Variants in CNTROB observed in about 807,000 individuals in gnomAD.
CNTROB encodes centrobin, centriole duplication and spindle assembly protein.
In CNTROB, 82 loss-of-function variants were observed where a neutral mutation model predicts 115.7. That is an observed-to-expected ratio of 0.71 (90% CI 0.59 to 0.85). The LOEUF (loss-of-function observed/expected upper bound fraction) is 0.85, where lower values mean the gene tolerates loss of function less well. Among genes scored for constraint, CNTROB ranks in the 40% least tolerant of loss-of-function variants. The probability of loss-of-function intolerance (pLI) is 0.00; values close to 1 mark genes in which losing one functional copy is unlikely to be tolerated. For missense variants in CNTROB, 1,014 were observed against 1,144.4 expected (o/e 0.89, Z 1.64); for synonymous variants, 439 against 456.4 (o/e 0.96, Z 0.49).
At chr17:7,945,313 T>TG (rs1974391612) in intron 12 of CNTROB, 1 of 152,360 alleles carries the variant, frequency 6.6e-6, no homozygotes, top group South Asian at 2.1e-4. Context: ...AAGACTAGCC[T>TG]AGGCAACATA....
chr17:7,949,493 G>T lies in CNTROB; in HGVS notation c.2695G>T (p.Gly899Trp), dbSNP rs555275116. 8 of 1,613,400 alleles carry T rather than the reference G, an allele frequency of 5.0e-6. No homozygotes were observed. In the African/African-American group the frequency reaches 5.3e-5, roughly 11 times the overall value. ...HPAPSSMRSR[G>W]GVWR ...TGCCCCGAGTAGCATGAGGAGCCGG[G>T]GGGGAGTCTGGAGATGAGCCCCCCT... is the stretch of plus-strand genomic sequence containing the variant. Residue 899 changes from glycine to tryptophan, a missense_variant, in exon 19 of 19, where the codon GGG (glycine) becomes TGG (tryptophan). Coordinates refer to ENST00000563694, the MANE Select transcript of CNTROB (RefSeq NM_053051.5).
rs1308921476 is a variant in CNTROB, at chr17:7,948,661, A to G, written c.2513+42A>G. Reference sequence around the variant, plus strand: ...AAGGAGGAAGGATTCTCCGGGTGGAAGCTGGATTATGGGGAGTGGAGTGGG... The same window carrying G: ...AAGGAGGAAGGATTCTCCGGGTGGAGGCTGGATTATGGGGAGTGGAGTGGG... On this transcript the variant is annotated intron_variant, in intron 17 of 18. Coordinates refer to ENST00000563694, the MANE Select transcript of CNTROB (RefSeq NM_053051.5). The surrounding 1 kb of genome is among the most constrained non-coding windows in gnomAD (Gnocchi z 4.4). The G allele has an allele frequency of 3.1e-6, 5 of 1,614,086 alleles. No homozygotes were observed. In the South Asian group the frequency reaches 5.5e-5, roughly 18 times the overall value.
chr17:7,933,169 G>A lies in CNTROB; in HGVS notation c.90G>A (p.Val30=). 1 of 1,614,080 alleles carries A rather than the reference G, an allele frequency of 6.2e-7. No individual in the cohort carries two copies. Among genetic ancestry groups the A allele is most frequent in the Non-Finnish European group, 8.5e-7 (1 of 1,180,036 alleles). The change falls in exon 1 of 19, where the codon GTG becomes GTA. Residue 30 remains valine (V), a synonymous_variant. Coordinates refer to ENST00000563694, the MANE Select transcript of CNTROB (RefSeq NM_053051.5). The stretch of plus-strand genomic sequence containing the variant: ...CAGAACCCCCTGGGCTCAACCAAGT[G>A]TCGTCTGAAGTGACCTCCCAGCTCT... ...DSSEPPGLNQ[V]SSEVTSQLYA...
In CNTROB at chr17:7,936,436, T is replaced by A; in HGVS notation, c.665T>A (p.Val222Glu). 6.4e-7 allele frequency: 1 copy of A among 1,572,380 alleles called. No individual in the cohort carries two copies. The highest frequency in any genetic ancestry group is 8.8e-7 in the Non-Finnish European group (1 of 1,141,990). ...CTACAGCAACAATTAGCCGTGGCTG[T>A]GGCTGCCGACCGCAAGAAAGATACC... ...LELQQQLAVA[V>E]AADRKKDTMI... The change falls in exon 5 of 19, where the codon GTG becomes GAG. Residue 222 changes from valine to glutamate, a missense_variant. Coordinates refer to ENST00000563694, the MANE Select transcript of CNTROB (RefSeq NM_053051.5).
chr17:7,949,047 G>A (rs372812573), intron 17 of CNTROB, 38 bp from the exon 18 acceptor site: 87 of 1,612,146 alleles, frequency 5.4e-5, no homozygotes, highest in Admixed American at 2.0e-4. Flanking sequence ...CCGGGGGGAC[G>A]GAGATCCCCA....
chr17:7,936,155 C>T (rs1973140707), intron 4 of CNTROB: 10 of 531,236 alleles, frequency 1.9e-5, no homozygotes, highest in Non-Finnish European at 3.4e-5. Context: ...AAGCACTTAT[C>T]TCCTGAAAAG....
In CNTROB at chr17:7,943,267, A is replaced by G; in HGVS notation, c.1312-124A>G. The G allele has an allele frequency of 3.1e-6, 2 of 640,986 alleles. No individual in the cohort carries two copies. The allele number at this position is 640,986 out of a possible 1,614,324, so 39.7% of individuals were successfully genotyped here. A position where few individuals can be genotyped will look rare whatever the true frequency, so the allele number is the denominator to read the frequency against. On this transcript the variant is annotated intron_variant, in intron 9 of 18. Coordinates refer to ENST00000563694, the MANE Select transcript of CNTROB (RefSeq NM_053051.5). This position sits in a 1 kb window ranked among gnomAD's most constrained non-coding sequence, Gnocchi z 4.7. ...GGGAACCTCTTTCACTCCTTGAGGC[A>G]AAATTCTTGTTCTTCATCTCATATG...
Position 7,943,559 on chromosome 17 carries a change from C to T in CNTROB, c.1445+35C>T, listed in dbSNP as rs1440780612. ...ACTCACTGGGTGTCACTTCTCTCAG[C>T]CACAGCACGTATCGTTAGTGCCAGG... On this transcript the variant is annotated intron_variant, in intron 10 of 18. Transcript: ENST00000563694. This position sits in a 1 kb window ranked among gnomAD's most constrained non-coding sequence, Gnocchi z 4.7. 1 of 1,594,816 alleles carries T rather than the reference C, an allele frequency of 6.3e-7. No individual in the cohort carries two copies. Among genetic ancestry groups the T allele is most frequent in the Admixed American group, 1.7e-5 (1 of 59,188 alleles).
intron 13 of CNTROB, among the ~76,000 whole-genome samples, chr17:7,947,262 G>A (rs1974659892): frequency 6.6e-6 from 1 of 152,118 alleles, no homozygotes; most frequent in African/African-American, 2.4e-5. Context: ...GAAGAGGTCA[G>A]AACATGTGTG....
chr17:7,935,053 C>A lies in CNTROB; in HGVS notation c.502C>A (p.Arg168Ser), dbSNP rs144838552. Reference sequence around the variant, plus strand: ...CCAAGCCCTGGAGGAGCTGTTTCCCCGCTACACCAGCCTTCGGCCAGGGCC... The same window carrying A: ...CCAAGCCCTGGAGGAGCTGTTTCCCAGCTACACCAGCCTTCGGCCAGGGCC... ...SAQALEELFP[R>S]YTSLRPGPPL... The change falls in exon 4 of 19, where the codon CGC becomes AGC. Residue 168 changes from arginine to serine, a missense_variant. Physicochemically the swap from Arg to Ser is moderately radical, Grantham distance 110 (BLOSUM62 -1). Coordinates refer to ENST00000563694, the MANE Select transcript of CNTROB (RefSeq NM_053051.5). 1 of 1,614,032 alleles carries A rather than the reference C, an allele frequency of 6.2e-7. No homozygotes were observed. The highest frequency in any genetic ancestry group is 1.7e-5 in the Admixed American group (1 of 59,996).
Position 7,943,317 on chromosome 17 carries a change from G to A in CNTROB, c.1312-74G>A. ...GAGGGGAAAGTTGGTACTGGATTTT[G>A]TCTACATTATATCCTCCATCCTCTT... On this transcript the variant is annotated intron_variant, in intron 9 of 18. Transcript: ENST00000563694. The surrounding 1 kb of genome is among the most constrained non-coding windows in gnomAD (Gnocchi z 4.7). 8.7e-7 allele frequency: 1 copy of A among 1,150,926 alleles called. No homozygotes were observed. The highest frequency in any genetic ancestry group is 1.6e-5 in the South Asian group (1 of 62,956). 71.3% of individuals were successfully genotyped at this position (1,150,926 alleles called of 1,614,324 possible).
intron 7 of CNTROB, 109 bp downstream of exon 7, chr17:7,937,371 A>T (rs1567914167): frequency 1.6e-6 from 2 of 1,289,714 alleles, no homozygotes; most frequent in East Asian, 2.4e-5. Flanking sequence ...GCACCAGAGC[A>T]CTGTTTCCCA....
At chr17:7,942,762 G>A (rs1450162138) in intron 9 of CNTROB, among the ~76,000 whole-genome samples, 2 of 143,394 alleles carry the variant, frequency 1.4e-5, no homozygotes, top group Admixed American at 7.0e-5. Flanking sequence ...AATGTCTACT[G>A]GCTTTCAGGT....
Position 7,944,402 on chromosome 17 carries a change from C to T in CNTROB, c.1572-74C>T. The T allele has an allele frequency of 1.9e-6, 3 of 1,588,240 alleles. 1 individual carries two copies. The highest frequency in any genetic ancestry group is 2.3e-5 in the South Asian group (2 of 88,868). Reference sequence around the variant, plus strand: ...AGAATATCAGATGTCCAACATTTCCCTTCTGGCTCTTTTTAGCTCCCAAGT... The same window carrying T: ...AGAATATCAGATGTCCAACATTTCCTTTCTGGCTCTTTTTAGCTCCCAAGT... On this transcript the variant is annotated intron_variant, in intron 11 of 18. Transcript: ENST00000563694. The surrounding 1 kb of genome is among the most constrained non-coding windows in gnomAD (Gnocchi z 4.0).
intron 2 of CNTROB, 105 bp downstream of exon 2, chr17:7,934,327 C>T (rs1972887517): frequency 7.3e-7 from 1 of 1,369,944 alleles, no homozygotes. Context: ...CAAGAGATTT[C>T]AGGAGAAAAG....
At position 7,944,740 on chromosome 17, in the gene CNTROB, A is replaced by C. The variant is rs4791993; in HGVS notation, c.1734+102A>C. On this transcript the variant is annotated intron_variant, in intron 12 of 18. Coordinates refer to ENST00000563694, the MANE Select transcript of CNTROB (RefSeq NM_053051.5). The surrounding 1 kb of genome is among the most constrained non-coding windows in gnomAD (Gnocchi z 4.0). Reference sequence around the variant, plus strand: ...TTGCCCAGGCTGGAGTGTACTGGTGAGATCATAGCTCATTGCAGCCTCGAA... The same window carrying C: ...TTGCCCAGGCTGGAGTGTACTGGTGCGATCATAGCTCATTGCAGCCTCGAA... 0.49 allele frequency: 675,449 copies of C among 1,375,666 alleles called. 170,298 individuals carry two copies. Among genetic ancestry groups the C allele is most frequent in the East Asian group, 0.75 (31,739 of 42,488 alleles). The allele number at this position is 1,375,666 out of a possible 1,614,324, so 85.2% of individuals were successfully genotyped here.
At position 7,949,144 on chromosome 17, in the gene CNTROB, T is replaced by A; in HGVS notation, c.2573T>A (p.Ile858Asn). ...RRNTDSRLGE[I>N]PRKEIPSQAV... ...AACACAGACTCCCGCTTGGGTGAGA[T>A]CCCCCGGAAAGAGGTGAGGGAAAGT... Residue 858 changes from isoleucine (I) to asparagine (N), a missense_variant, in exon 18 of 19, where the codon ATC becomes AAC. Physicochemically the swap from Ile to Asn is moderately radical, Grantham distance 149. Coordinates refer to ENST00000563694, the MANE Select transcript of CNTROB (RefSeq NM_053051.5). 6.2e-7 allele frequency: 1 copy of A among 1,613,692 alleles called. No individual in the cohort carries two copies. The highest frequency in any genetic ancestry group is 8.5e-7 in the Non-Finnish European group (1 of 1,179,898).
rs1376657588 is a variant in CNTROB, at chr17:7,949,838, T to G, written c.*328T>G. 4.4e-6 allele frequency: 1 copy of G among 227,972 alleles called. No homozygotes were observed. Among genetic ancestry groups the G allele is most frequent in the African/African-American group, 2.3e-5 (1 of 44,374 alleles). The allele number at this position is 227,972 out of a possible 1,614,324, so 14.1% of individuals were successfully genotyped here. On this transcript the variant is annotated 3_prime_UTR_variant, in exon 19 of 19. Transcript: ENST00000563694. ...TAGTGGAATTATGGGTGATTCTTAGTTTTTTAATACGTTTCTGTATTTTCC... is the reference window on the plus strand; with the variant it reads ...TAGTGGAATTATGGGTGATTCTTAGGTTTTTAATACGTTTCTGTATTTTCC...
chr17:7,933,406 A>G, intron 1 of CNTROB, 57 bp downstream of exon 1: 1 of 1,512,706 alleles, frequency 6.6e-7, no homozygotes, highest in Non-Finnish European at 8.9e-7. Flanking sequence ...GAGTCTTGGG[A>G]TTGGGGTTGG....
Sources: gnomAD v4.1 joint callset for allele counts (sites outside exome capture counted in the v4.1 genomes callset) on GRCh38, gnomAD v4.1.1 for gene constraint, Gnocchi (gnomAD v3.1) non-coding constraint, MANE v1.5 for transcripts, NCBI Gene and HGNC (gene_info 2026-07-23, HGNC 2026-07-21) for gene names.